The following PDGFC variants were observed in gnomAD, a reference collection of about 807,000 sequenced individuals.
PDGFC encodes platelet-derived growth factor C.
PDGFC carries 12 observed loss-of-function variants against 35.5 expected under a neutral mutation model. That is an observed-to-expected ratio of 0.34 (90% CI 0.22 to 0.55). The LOEUF is 0.55. Among genes scored for constraint, PDGFC ranks in the 20% least tolerant of loss-of-function variants. The pLI is 0.91. For missense variants in PDGFC, 322 were observed against 412.4 expected (o/e 0.78, Z 1.90); for synonymous variants, 159 against 148.8 (o/e 1.07, Z -0.50).
intron 3 of PDGFC, among the ~76,000 whole-genome samples, chr4:156,810,543 T>C (rs933326566): frequency 7.2e-5 from 11 of 152,024 alleles, no homozygotes; most frequent in Non-Finnish European, 4.4e-5. Flanking sequence ...ATTTCCTTTA[T>C]TTAATCAGTT....
chr4:156,969,653 T>C (rs1352589225), intron 1 of PDGFC, among the ~76,000 whole-genome samples: 2 of 152,214 alleles, frequency 1.3e-5, no homozygotes, highest in East Asian at 1.9e-4. Context: ...CTTAAAACTA[T>C]AGCACATCCT....
intron 4 of PDGFC, among the ~76,000 whole-genome samples, chr4:156,771,408 T>C (rs1163152974): frequency 1.3e-5 from 2 of 152,178 alleles, no homozygotes; most frequent in East Asian, 3.8e-4. Context: ...CTTGCAGATC[T>C]TCATCTTCCT....
intron 2 of PDGFC, among the ~76,000 whole-genome samples, chr4:156,828,209 T>C (rs962708027): frequency 2.6e-5 from 4 of 152,176 alleles, no homozygotes; most frequent in Non-Finnish European, 5.9e-5. Flanking sequence ...AAATCCTTTT[T>C]CTTATACATT....
At chr4:156,897,345 AGTGTAT>A (rs1405404310) in intron 1 of PDGFC, among the ~76,000 whole-genome samples, 119 of 86,476 alleles carry the variant, frequency 1.4e-3, no homozygotes, top group Non-Finnish European at 2.4e-3. Context: ...AGTGTGTGAG[AGTGTAT>A]GTGTGTGTGT....
chr4:156,769,752 T>C (rs1267800412), intron 4 of PDGFC, among the ~76,000 whole-genome samples: 2 of 152,046 alleles, frequency 1.3e-5, no homozygotes, highest in Non-Finnish European at 2.9e-5. Flanking sequence ...TCACATATTT[T>C]ACCTGGTTTC....
At chr4:156,858,092 G>T (rs1402316177) in intron 1 of PDGFC, among the ~76,000 whole-genome samples, 1 of 152,016 alleles carries the variant, frequency 6.6e-6, no homozygotes, top group African/African-American at 2.4e-5. Flanking sequence ...CCTTATTTAA[G>T]TCTGTTATCC....
At chr4:156,775,719 G>T (rs1730810851) in intron 3 of PDGFC, among the ~76,000 whole-genome samples, 1 of 152,178 alleles carries the variant, frequency 6.6e-6, no homozygotes, top group South Asian at 2.1e-4. Flanking sequence ...TGAAGTATCT[G>T]CAATCTGCAT....
intron 1 of PDGFC, among the ~76,000 whole-genome samples, chr4:156,932,124 CAG>C (rs1579108265): frequency 6.6e-6 from 1 of 152,086 alleles, no homozygotes; most frequent in East Asian, 1.9e-4. Flanking sequence ...CTGTTTTGAT[CAG>C]GAGTCTAATT....
At chr4:156,957,516 C>T (rs1732241681) in intron 1 of PDGFC, among the ~76,000 whole-genome samples, 1 of 152,006 alleles carries the variant, frequency 6.6e-6, no homozygotes, top group African/African-American at 2.4e-5. Context: ...TCACTCCCCA[C>T]CTTGTGATAG....
chr4:156,822,156 G>T (rs561814094), intron 2 of PDGFC, among the ~76,000 whole-genome samples: 1 of 151,884 alleles, frequency 6.6e-6, no homozygotes, highest in African/African-American at 2.4e-5. Context: ...TCAGGAGATC[G>T]AGACCATCCT....
chr4:156,806,139 AGTT>A (rs1008305294), intron 3 of PDGFC, among the ~76,000 whole-genome samples: 5 of 152,124 alleles, frequency 3.3e-5, no homozygotes, highest in Non-Finnish European at 7.4e-5. Flanking sequence ...GATTATACAT[AGTT>A]TTTTAAAATG....
rs60033232 is a variant in PDGFC, at chr4:156,825,593, T to TAAGAAGAAGAAGAAG, written c.315-14591_315-14577dup. ...ATAATAATAATAATAATAATAATAA[T>TAAGAAGAAGAAGAAG]AAGAAGAAGAAGAAGAAGAAGAAGA... On this transcript the variant is annotated intron_variant, in intron 2 of 5. Coordinates refer to ENST00000502773, the MANE Select transcript of PDGFC (RefSeq NM_016205.3). Among the ~76,000 whole-genome samples, 188 of 62,170 alleles carry TAAGAAGAAGAAGAAG rather than the reference T, an allele frequency of 3.0e-3. 10 individuals are homozygous for TAAGAAGAAGAAGAAG. Among genetic ancestry groups the TAAGAAGAAGAAGAAG allele is most frequent in the African/African-American group, 6.9e-3 (87 of 12,692 alleles). 40.8% of individuals were successfully genotyped at this position (62,170 alleles called of 152,430 possible).
At chr4:156,900,071 G>C (rs1293495598) in intron 1 of PDGFC, among the ~76,000 whole-genome samples, 1 of 152,034 alleles carries the variant, frequency 6.6e-6, no homozygotes, top group Non-Finnish European at 1.5e-5. Flanking sequence ...CAGAAAACTT[G>C]AATCAAAGAT....
chr4:156,853,541 G>A (rs1024583349), intron 1 of PDGFC, among the ~76,000 whole-genome samples: 31 of 152,126 alleles, frequency 2.0e-4, no homozygotes, highest in African/African-American at 7.5e-4. Flanking sequence ...GCTATTGGCT[G>A]TAATAATATA....
chr4:156,836,254 G>C (rs1252849756), intron 2 of PDGFC, among the ~76,000 whole-genome samples: 1 of 152,132 alleles, frequency 6.6e-6, no homozygotes, highest in Non-Finnish European at 1.5e-5. Context: ...GGTGATATGA[G>C]CATCTGCCAT....
At chr4:156,957,251 AG>A (rs1162079885) in intron 1 of PDGFC, among the ~76,000 whole-genome samples, 1 of 152,020 alleles carries the variant, frequency 6.6e-6, no homozygotes, top group Non-Finnish European at 1.5e-5. Context: ...CTCCAAAACA[AG>A]CAAAGAAACA....
At chr4:156,868,142 A>G (rs557326364) in intron 1 of PDGFC, among the ~76,000 whole-genome samples, 4 of 152,322 alleles carry the variant, frequency 2.6e-5, no homozygotes, top group Non-Finnish European at 5.9e-5. Flanking sequence ...TTCACTGACA[A>G]AAGTAATGTG....
chr4:156,822,348 A>ACC (rs1732289513), intron 2 of PDGFC, among the ~76,000 whole-genome samples: 1 of 124,810 alleles, frequency 8.0e-6, no homozygotes, highest in African/African-American at 4.3e-5. Context: ...GACGGAGTGA[A>ACC]ACTGTCTCAA....
At chr4:156,921,048 A>T (rs1406880128) in intron 1 of PDGFC, among the ~76,000 whole-genome samples, 1 of 152,202 alleles carries the variant, frequency 6.6e-6, no homozygotes, top group Non-Finnish European at 1.5e-5. Context: ...GGACCAAAAG[A>T]ATAAGACAAC....
Sources: gnomAD v4.1 joint callset for allele counts (sites outside exome capture counted in the v4.1 genomes callset) on GRCh38, gnomAD v4.1.1 for gene constraint, MANE v1.5 for transcripts, NCBI Gene and HGNC (gene_info 2026-07-23, HGNC 2026-07-21) for gene names.